EPHA6: variants seen among roughly 807,000 people sequenced by gnomAD.
EPHA6 encodes the protein ephrin type-A receptor 6.
In EPHA6, 50 loss-of-function variants were observed where a neutral mutation model predicts 112.0. The observed-to-expected ratio is 0.45, with a 90% CI of 0.36 to 0.56. EPHA6 has a LOEUF of 0.56. Among genes scored for constraint, EPHA6 ranks in the 20% least tolerant of loss-of-function variants. The probability of loss-of-function intolerance (pLI) is 0.00; values close to 1 mark genes in which losing one functional copy is unlikely to be tolerated. For synonymous variants in EPHA6, 529 were observed against 490.7 expected, an observed-to-expected ratio of 1.08 and a Z score of -1.03; for missense variants, 1,280 against 1,417.4, an observed-to-expected ratio of 0.90 and a Z score of 1.56.
intron 5 of EPHA6, among the ~76,000 whole-genome samples, chr3:97,324,600 A>G (rs1346824856): frequency 6.7e-6 from 1 of 149,310 alleles, no homozygotes; most frequent in African/African-American, 2.5e-5. Flanking sequence ...GTGCAATAGT[A>G]TGATCTCGGC....
At chr3:97,323,302 C>A (rs555286139) in intron 5 of EPHA6, among the ~76,000 whole-genome samples, 3 of 150,626 alleles carry the variant, frequency 2.0e-5, no homozygotes, top group African/African-American at 4.9e-5. Context: ...TTTATTCTGA[C>A]AAAAGAAGTA....
chr3:97,732,181 A>G (rs1336828475), intron 15 of EPHA6, among the ~76,000 whole-genome samples: 1 of 151,490 alleles, frequency 6.6e-6, no homozygotes, highest in African/African-American at 2.4e-5. Flanking sequence ...TAACCTCCCA[A>G]CCTCAAAACT....
At chr3:97,316,098 T>G (rs749109312) in intron 5 of EPHA6, among the ~76,000 whole-genome samples, 4 of 151,790 alleles carry the variant, frequency 2.6e-5, no homozygotes, top group Non-Finnish European at 5.9e-5. Flanking sequence ...TGTGTCATAT[T>G]AAATGATTTT....
rs1037270238 is a variant in EPHA6, at chr3:97,146,950, A to G, written c.1115-79314A>G. On this transcript the variant is annotated intron_variant, in intron 3 of 17. Transcript: ENST00000389672. ...TTAAAAAAATAAATTTTAAAATGCA[A>G]ATCTTATTTGTCATGCTCTTCCTTG... 4.6e-5 allele frequency among the ~76,000 whole-genome samples: 7 copies of G among 152,086 alleles called. No homozygotes were observed. The East Asian group carries it at 1.4e-3, about 29-fold the overall frequency.
At chr3:96,987,185 G>A (rs2107843955) in intron 2 of EPHA6, 145 bp from the exon 3 acceptor site, 1 of 677,136 alleles carries the variant, frequency 1.5e-6, no homozygotes, top group Middle Eastern at 3.9e-4. Context: ...TGGTTAAAAT[G>A]CTGTTCCATT....
chr3:97,371,334 G>A (rs544003759), intron 5 of EPHA6, among the ~76,000 whole-genome samples: 41 of 152,238 alleles, frequency 2.7e-4, no homozygotes, highest in Middle Eastern at 3.4e-3. Context: ...AGCCATGGCA[G>A]AAGAACATAA....
At chr3:97,670,792 C>T (rs556433958) in intron 14 of EPHA6, among the ~76,000 whole-genome samples, 1 of 152,262 alleles carries the variant, frequency 6.6e-6, no homozygotes, top group East Asian at 1.9e-4. Flanking sequence ...TGTAAATCAC[C>T]GTCATCACAC....
At chr3:97,157,494 T>C (rs2076314927) in intron 3 of EPHA6, among the ~76,000 whole-genome samples, 1 of 152,146 alleles carries the variant, frequency 6.6e-6, no homozygotes, top group Non-Finnish European at 1.5e-5. Context: ...AGTCCATGTT[T>C]AATATACCTT....
At position 97,244,160 on chromosome 3, in the gene EPHA6, C is replaced by A; in HGVS notation, c.1479C>A (p.Ser493=). The part of the protein sequence containing the change: ...IPRHTGLINN[S]VIVLDFVSHV... ...GACATACAGGCCTGATCAACAATTC[C>A]GTGATAGTACTTGACTTTGTGTCTC... The change falls in exon 5 of 18, where the codon TCC becomes TCA. Residue 493 remains serine (S), a synonymous_variant. Transcript: ENST00000389672. 1 of 1,612,940 alleles carries A rather than the reference C, an allele frequency of 6.2e-7. No individual in the cohort carries two copies. The highest frequency in any genetic ancestry group is 8.5e-7 in the Non-Finnish European group (1 of 1,179,346).
chr3:97,722,092 G>T (rs551749536), intron 15 of EPHA6, among the ~76,000 whole-genome samples: 3 of 152,240 alleles, frequency 2.0e-5, no homozygotes, highest in Non-Finnish European at 4.4e-5. Flanking sequence ...GCACAGAAGA[G>T]TCTTCAAGTA....
chr3:96,891,254 G>T (rs2037943605), intron 2 of EPHA6, among the ~76,000 whole-genome samples: 1 of 151,638 alleles, frequency 6.6e-6, no homozygotes. Flanking sequence ...ATAAAGCAAA[G>T]AAACTGAAAA....
chr3:97,636,240 A>G (rs2093944024), intron 13 of EPHA6, among the ~76,000 whole-genome samples: 1 of 152,200 alleles, frequency 6.6e-6, no homozygotes, highest in East Asian at 1.9e-4. Flanking sequence ...AAAAAAGCCA[A>G]CTTTTAAACT....
chr3:97,635,857 C>A (rs529683414), intron 13 of EPHA6, among the ~76,000 whole-genome samples: 3 of 152,020 alleles, frequency 2.0e-5, no homozygotes, highest in African/African-American at 7.2e-5. Context: ...GTGACACACT[C>A]GGCATAGATA....
In EPHA6 at chr3:97,448,316, T is replaced by C. The variant is rs781076736; in HGVS notation, c.1732-252T>C. Reference sequence around the variant, plus strand: ...CTTACAGTTGGGTCAGGAATCTAAATCACCAAAAATACAAGTGCAGTTTAT... The same window carrying C: ...CTTACAGTTGGGTCAGGAATCTAAACCACCAAAAATACAAGTGCAGTTTAT... On this transcript the variant is annotated intron_variant, in intron 6 of 17. Coordinates refer to ENST00000389672, the MANE Select transcript of EPHA6 (RefSeq NM_001080448.3). 2.6e-5 allele frequency among the ~76,000 whole-genome samples: 4 copies of C among 152,098 alleles called. No individual in the cohort carries two copies. The East Asian group carries it at 7.7e-4, about 29-fold the overall frequency.
intron 3 of EPHA6, among the ~76,000 whole-genome samples, chr3:97,060,855 C>T (rs977962681): frequency 5.3e-5 from 7 of 132,636 alleles, no homozygotes; most frequent in South Asian, 2.5e-4. Flanking sequence ...ACCCGGGAGG[C>T]GGAGCTTACA....
chr3:97,614,725 G>A (rs1351843466), intron 13 of EPHA6, among the ~76,000 whole-genome samples: 1 of 151,844 alleles, frequency 6.6e-6, no homozygotes, highest in East Asian at 1.9e-4. Flanking sequence ...CAAAAATCTA[G>A]GAGAAATTAA....
intron 3 of EPHA6, among the ~76,000 whole-genome samples, chr3:97,188,332 A>T (rs2077211466): frequency 6.6e-6 from 1 of 152,108 alleles, no homozygotes; most frequent in Non-Finnish European, 1.5e-5. Context: ...TTAATGTAAA[A>T]AATAAATTTA....
intron 6 of EPHA6, among the ~76,000 whole-genome samples, chr3:97,407,419 A>G (rs559742782): frequency 2.5e-4 from 38 of 151,862 alleles, no homozygotes; most frequent in Middle Eastern, 3.4e-3. Context: ...TCTTAACATC[A>G]TAATTATATG....
intron 13 of EPHA6, among the ~76,000 whole-genome samples, chr3:97,633,652 C>T (rs1477934754): frequency 6.6e-6 from 1 of 151,996 alleles, no homozygotes; most frequent in Non-Finnish European, 1.5e-5. Context: ...TTATACGAGA[C>T]AATAGGAACA....
Sources: gnomAD v4.1 joint callset for allele counts (sites outside exome capture counted in the v4.1 genomes callset) on GRCh38, gnomAD v4.1.1 for gene constraint, MANE v1.5 for transcripts, NCBI Gene and HGNC (gene_info 2026-07-23, HGNC 2026-07-21) for gene names.